Variants in CNNM2 observed in about 807,000 individuals in gnomAD.
CNNM2 encodes metal transporter CNNM2.
In CNNM2, 12 loss-of-function variants were observed where a neutral mutation model predicts 66.9. The ratio of observed to expected loss-of-function variants is 0.18; its 90% CI spans 0.11 to 0.29. CNNM2 has a LOEUF of 0.29. CNNM2 is among the 10% of genes least tolerant of loss of function. The pLI, the probability that CNNM2 is intolerant of heterozygous loss-of-function variation, is 1.00. For missense variants in CNNM2, 705 were observed against 1,167.7 expected (o/e 0.60, Z 5.77); for synonymous variants, 557 against 501.8 (o/e 1.11, Z -1.47).
intron 1 of CNNM2, among the ~76,000 whole-genome samples, chr10:102,969,621 G>A (rs914537365): frequency 7.9e-5 from 12 of 152,050 alleles, no homozygotes; most frequent in Non-Finnish European, 1.2e-4. Flanking sequence ...CTATAATAGC[G>A]GCAATTGGTG....
In CNNM2 at chr10:103,054,584, A is replaced by T; in HGVS notation, c.1903+118A>T. 9.4e-7 allele frequency: 1 copy of T among 1,058,978 alleles called. No individual in the cohort carries two copies. Among genetic ancestry groups the T allele is most frequent in the Non-Finnish European group, 1.4e-6 (1 of 730,972 alleles). The allele number at this position is 1,058,978 out of a possible 1,614,324, so 65.6% of individuals were successfully genotyped here. ...GGGAAATGGGGTGATAAGTAATGCC[A>T]CTTTTGTGTTTTGTTTTTTTTGTTT... On this transcript the variant is annotated intron_variant, in intron 3 of 7. Coordinates refer to ENST00000369878, the MANE Select transcript of CNNM2 (RefSeq NM_017649.5). The surrounding 1 kb of genome is among the most constrained non-coding windows in gnomAD (Gnocchi z 5.2).
chr10:103,052,100 C>A (rs1186767951), intron 2 of CNNM2, among the ~76,000 whole-genome samples: 1 of 151,594 alleles, frequency 6.6e-6, no homozygotes, highest in African/African-American at 2.4e-5. Context: ...CATGGTGAAA[C>A]CCTGACTCTA....
At position 103,041,895 on chromosome 10, in the gene CNNM2, C is replaced by T. The variant is rs544623732; in HGVS notation, c.1622-7812C>T. 3.9e-5 allele frequency among the ~76,000 whole-genome samples: 6 copies of T among 152,226 alleles called. No homozygotes were observed. The East Asian group carries it at 7.7e-4, about 20-fold the overall frequency. On this transcript the variant is annotated intron_variant, in intron 1 of 7. Coordinates refer to ENST00000369878, the MANE Select transcript of CNNM2 (RefSeq NM_017649.5). Reference sequence around the variant, plus strand: ...CCCCATGCTTAGCGCTGGCTCTTTTCGCCATCCATGGCCTAGGTGATCTCA... The same window carrying T: ...CCCCATGCTTAGCGCTGGCTCTTTTTGCCATCCATGGCCTAGGTGATCTCA...
At chr10:103,073,811 G>A (rs2065639933) in intron 6 of CNNM2, among the ~76,000 whole-genome samples, 1 of 139,512 alleles carries the variant, frequency 7.2e-6, no homozygotes, top group Non-Finnish European at 1.5e-5. Context: ...GCAGTGAGCC[G>A]AGATTCCGCC....
intron 1 of CNNM2, among the ~76,000 whole-genome samples, chr10:103,031,292 T>C (rs1383596340): frequency 6.6e-6 from 1 of 152,164 alleles, no homozygotes; most frequent in African/African-American, 2.4e-5. Context: ...CTTACTCTTG[T>C]GTGTGGCAAT....
In CNNM2 at chr10:102,923,647, T is replaced by C. The variant is rs186649776; in HGVS notation, c.1621+3546T>C. Among the ~76,000 whole-genome samples the C allele has an allele frequency of 2.0e-3, 302 of 152,320 alleles. 2 individuals are homozygous for C. The Middle Eastern group carries it at 0.024, about 12-fold the overall frequency. On this transcript the variant is annotated intron_variant, in intron 1 of 7. Coordinates refer to ENST00000369878, the MANE Select transcript of CNNM2 (RefSeq NM_017649.5). Reference sequence around the variant, plus strand: ...AACATATATATGGCTTTAAACCCAGTGCTTCTGTGGTGTTGTGCATAACAA... The same window carrying C: ...AACATATATATGGCTTTAAACCCAGCGCTTCTGTGGTGTTGTGCATAACAA...
At chr10:103,045,334 T>A (rs776108205) in intron 1 of CNNM2, among the ~76,000 whole-genome samples, 1 of 152,166 alleles carries the variant, frequency 6.6e-6, no homozygotes, top group Non-Finnish European at 1.5e-5. Flanking sequence ...GATGCCTAAT[T>A]GTCTAACAAT....
At chr10:103,004,843 G>A (rs1223696062) in intron 1 of CNNM2, among the ~76,000 whole-genome samples, 1 of 152,088 alleles carries the variant, frequency 6.6e-6, no homozygotes, top group African/African-American at 2.4e-5. Flanking sequence ...TTTATAATTG[G>A]TATCAGTTTC....
rs754259120 is a variant in CNNM2, at chr10:103,028,762, G to A, written c.1622-20945G>A. On this transcript the variant is annotated intron_variant, in intron 1 of 7. Transcript: ENST00000369878. ...ATCTTGCAGAGATAATACCATTTCCGCCATAATCTTCATCCCCCTCCCATT... is the reference window on the plus strand; with the variant it reads ...ATCTTGCAGAGATAATACCATTTCCACCATAATCTTCATCCCCCTCCCATT... Among the ~76,000 whole-genome samples the A allele has an allele frequency of 8.0e-5, 12 of 150,310 alleles. No homozygotes were observed. In the South Asian group the frequency reaches 1.1e-3, roughly 13 times the overall value.
intron 1 of CNNM2, among the ~76,000 whole-genome samples, chr10:102,928,980 C>T (rs1051229515): frequency 2.0e-5 from 3 of 152,178 alleles, no homozygotes; most frequent in Non-Finnish European, 2.9e-5. Flanking sequence ...GCTAGGCTCG[C>T]TGGGCGTGGT....
At chr10:102,939,939 G>T (rs1022296749) in intron 1 of CNNM2, among the ~76,000 whole-genome samples, 12 of 151,974 alleles carry the variant, frequency 7.9e-5, no homozygotes, top group Non-Finnish European at 2.9e-5. Context: ...CTGCACTCCA[G>T]CCTGGGCGAC....
At chr10:103,019,658 C>T (rs1352121258) in intron 1 of CNNM2, among the ~76,000 whole-genome samples, 2 of 151,928 alleles carry the variant, frequency 1.3e-5, no homozygotes, top group East Asian at 3.9e-4. Flanking sequence ...GTGGAGGTGG[C>T]GGTTAAGGGA....
At chr10:102,972,086 G>C (rs1333797980) in intron 1 of CNNM2, among the ~76,000 whole-genome samples, 1 of 152,076 alleles carries the variant, frequency 6.6e-6, no homozygotes, top group Non-Finnish European at 1.5e-5. Context: ...AGAAGTCTTA[G>C]TTTTGTATGT....
intron 1 of CNNM2, among the ~76,000 whole-genome samples, chr10:102,978,789 AG>A (rs967218946): frequency 1.3e-5 from 2 of 152,164 alleles, no homozygotes; most frequent in Admixed American, 1.3e-4. Flanking sequence ...CCCTGTCCCA[AG>A]GGTAATCATC....
chr10:102,937,939 T>C (rs1046051938), intron 1 of CNNM2, among the ~76,000 whole-genome samples: 14 of 151,920 alleles, frequency 9.2e-5, no homozygotes, highest in African/African-American at 3.4e-4. Flanking sequence ...AAACGTTTAA[T>C]TTAACTATAG....
At chr10:103,061,790 C>A (rs2065389990) in intron 4 of CNNM2, among the ~76,000 whole-genome samples, 1 of 152,068 alleles carries the variant, frequency 6.6e-6, no homozygotes, top group African/African-American at 2.4e-5. Context: ...TGTGACTGAA[C>A]TGGGTTTATT....
chr10:102,951,594 CTG>C (rs928836073), intron 1 of CNNM2, among the ~76,000 whole-genome samples: 14 of 149,956 alleles, frequency 9.3e-5, no homozygotes, highest in Admixed American at 7.3e-4. Context: ...CTTTATTTTG[CTG>C]TGTGTTTTAT....
At chr10:102,968,273 G>A (rs1294807873) in intron 1 of CNNM2, among the ~76,000 whole-genome samples, 1 of 152,096 alleles carries the variant, frequency 6.6e-6, no homozygotes. Context: ...TTGAGACGGA[G>A]TCTGGCTCTG....
chr10:102,958,730 A>G (rs1050552268), intron 1 of CNNM2, among the ~76,000 whole-genome samples: 11 of 151,960 alleles, frequency 7.2e-5, no homozygotes, highest in African/African-American at 2.2e-4. Flanking sequence ...TTGGCCTCCC[A>G]AAGTGCTGGG....
Sources: allele counts gnomAD v4.1 joint callset (sites outside exome capture counted in the v4.1 genomes callset), GRCh38; gene constraint gnomAD v4.1.1; non-coding constraint Gnocchi (gnomAD v3.1); transcripts MANE v1.5; gene names NCBI Gene and HGNC (gene_info 2026-07-23, HGNC 2026-07-21).